DMD: variants seen among roughly 807,000 people sequenced by gnomAD.
DMD encodes dystrophin, also known as mutant dystrophin.
Under a neutral mutation model 330.1 loss-of-function variants are expected in DMD, and 63 were observed. That is an observed-to-expected ratio of 0.19 (90% CI 0.16 to 0.24). DMD has a LOEUF of 0.24. Among genes scored for constraint, DMD ranks in the 10% least tolerant of loss-of-function variants. The pLI is 1.00. For missense variants in DMD, 3,344 were observed against 2,684.1 expected, an observed-to-expected ratio of 1.25 and a Z score of -5.43; for synonymous variants, 1,223 against 959.8, an observed-to-expected ratio of 1.27 and a Z score of -5.07.
intron 47 of DMD, among the ~76,000 whole-genome samples, chrX:31,888,313 C>T (rs1456640295): frequency 1.8e-5 from 2 of 110,960 alleles, no homozygotes; most frequent in Non-Finnish European, 3.8e-5. Context: ...TTGTTCCAGC[C>T]GCTGCCCTGT....
chrX:31,351,721 A>C (rs1260987291), intron 60 of DMD, among the ~76,000 whole-genome samples: 1 of 56,021 alleles, frequency 1.8e-5, no homozygotes, highest in Non-Finnish European at 3.5e-5. Flanking sequence ...ACAAGACTCC[A>C]TCTCAAAAAA....
intron 44 of DMD, among the ~76,000 whole-genome samples, chrX:32,163,948 A>G (rs1283653672): frequency 9.0e-6 from 1 of 111,565 alleles, no homozygotes; most frequent in East Asian, 2.8e-4. Flanking sequence ...ATTCCTCAAG[A>G]CTACGGATTT....
chrX:32,731,698 G>C (rs189725976), intron 7 of DMD, among the ~76,000 whole-genome samples: 2 of 111,583 alleles, frequency 1.8e-5, no homozygotes, highest in African/African-American at 3.3e-5. Context: ...TGCAGCTGAG[G>C]GTCCTGTCTG....
intron 57 of DMD, among the ~76,000 whole-genome samples, chrX:31,480,549 CATGTTTGT>C (rs1471488204): frequency 5.3e-5 from 4 of 75,377 alleles, no homozygotes; most frequent in African/African-American, 2.0e-4. Context: ...TTGAAATCTC[CATGTTTGT>C]GTGTGTGTGT....
intron 25 of DMD, among the ~76,000 whole-genome samples, chrX:32,456,995 C>A (rs2098362615): frequency 9.9e-6 from 1 of 100,693 alleles, no homozygotes; most frequent in Non-Finnish European, 2.0e-5. Context: ...GCAGGAACAA[C>A]TTACAGATTA....
rs149725620 is a variant in DMD, at chrX:32,879,909, A to G, written c.94-30089T>C. Among the ~76,000 whole-genome samples the G allele has an allele frequency of 3.2e-3, 361 of 111,650 alleles. 8 individuals are homozygous for G. The East Asian group carries it at 0.063, about 20-fold the overall frequency. ...TGTATTCCAATAGTGATTGCCTTTC[A>G]GACCTTCCTCTTCTCCCATTTGAAT... is the stretch of plus-strand genomic sequence containing the variant. On this transcript the variant is annotated intron_variant, in intron 2 of 78. Coordinates refer to ENST00000357033, the MANE Select transcript of DMD (RefSeq NM_004006.3).
At chrX:31,817,353 G>A (rs1239504761) in intron 50 of DMD, among the ~76,000 whole-genome samples, 1 of 111,064 alleles carries the variant, frequency 9.0e-6, no homozygotes, top group African/African-American at 3.3e-5. Flanking sequence ...CTTCCTGCAA[G>A]TCAGGAAGTC....
chrX:33,259,102 T>G (rs1250613067), intron 1 of DMD, among the ~76,000 whole-genome samples: 1 of 111,446 alleles, frequency 9.0e-6, no homozygotes, highest in Non-Finnish European at 1.9e-5. Context: ...GGCGCTTTAC[T>G]GTGCGTTTAA....
At chrX:31,535,811 A>G (rs749222135) in intron 55 of DMD, among the ~76,000 whole-genome samples, 1 of 111,819 alleles carries the variant, frequency 8.9e-6, no homozygotes, top group East Asian at 2.8e-4. Context: ...GCAGTGATGA[A>G]CATGACAGAC....
chrX:32,511,524 G>GGGGAAAAA (rs766801853), intron 18 of DMD, among the ~76,000 whole-genome samples: 19 of 49,784 alleles, frequency 3.8e-4, no homozygotes, highest in Non-Finnish European at 6.6e-4. Flanking sequence ...TCCGTCTCGG[G>GGGGAAAAA]AAAAAAAAAA....
chrX:32,521,754 C>A (rs2046445442), intron 17 of DMD, among the ~76,000 whole-genome samples: 1 of 112,100 alleles, frequency 8.9e-6, no homozygotes, highest in Admixed American at 9.4e-5. Flanking sequence ...TTAGCATCAC[C>A]ATCCCTCATA....
At chrX:31,666,144 G>A (rs941946569) in intron 53 of DMD, among the ~76,000 whole-genome samples, 3 of 111,563 alleles carry the variant, frequency 2.7e-5, no homozygotes, top group African/African-American at 3.3e-5. Context: ...AGAAAATGGC[G>A]TTTTTTCAGC....
chrX:31,694,617 CAT>C (rs34933227), intron 52 of DMD, among the ~76,000 whole-genome samples: 1,163 of 58,028 alleles, frequency 0.02, 9 homozygotes, highest in South Asian at 0.034. Context: ...TGACAAACAG[CAT>C]ATATATATAT....
intron 9 of DMD, among the ~76,000 whole-genome samples, chrX:32,663,082 C>A (rs2061054256): frequency 8.9e-6 from 1 of 111,758 alleles, no homozygotes; most frequent in African/African-American, 3.3e-5. Flanking sequence ...AAGACAAAAA[C>A]TGAAAACCAA....
At chrX:32,169,788 G>A (rs2096880833) in intron 44 of DMD, among the ~76,000 whole-genome samples, 2 of 111,204 alleles carry the variant, frequency 1.8e-5, no homozygotes, top group Admixed American at 1.9e-4. Flanking sequence ...GAAAGATGGG[G>A]GTCATTTTTT....
rs371693335 is a variant in DMD at position 31,808,416 on chromosome X, G to C, written c.7309+11559C>G. 4.7e-4 allele frequency among the ~76,000 whole-genome samples: 52 copies of C among 111,826 alleles called. No individual in the cohort carries two copies. In the East Asian group the frequency reaches 0.011, roughly 23 times the overall value. On this transcript the variant is annotated intron_variant, in intron 50 of 78. Coordinates refer to ENST00000357033, the MANE Select transcript of DMD (RefSeq NM_004006.3). ...CAAGATGGAAATCCCCAGAATCATA[G>C]AGATTTGCGTCTGTAAACTGGCTTA...
chrX:33,212,501 G>A (rs976059483), upstream of DMD, among the ~76,000 whole-genome samples: 2 of 111,769 alleles, frequency 1.8e-5, no homozygotes, highest in Admixed American at 9.5e-5. Flanking sequence ...TCTTTTTATA[G>A]TTATAATAAT....
intron 17 of DMD, among the ~76,000 whole-genome samples, chrX:32,534,619 A>G (rs975898392): frequency 2.7e-5 from 3 of 111,383 alleles, no homozygotes; most frequent in East Asian, 5.7e-4. Flanking sequence ...GTATTTCTTT[A>G]TAACAGTGCA....
intron 43 of DMD, among the ~76,000 whole-genome samples, chrX:32,242,392 G>T (rs917394821): frequency 8.9e-6 from 1 of 111,793 alleles, no homozygotes; most frequent in African/African-American, 3.2e-5. Flanking sequence ...TAACACTCAT[G>T]TTGGAAATAA....
Sources: gnomAD v4.1 joint callset for allele counts (sites outside exome capture counted in the v4.1 genomes callset) on GRCh38, gnomAD v4.1.1 for gene constraint, MANE v1.5 for transcripts, NCBI Gene and HGNC (gene_info 2026-07-23, HGNC 2026-07-21) for gene names.